The following FAT3 variants were observed in gnomAD, a reference collection of about 807,000 sequenced individuals.
FAT3 encodes FAT atypical cadherin 3.
In FAT3, 95 loss-of-function variants were observed where a neutral mutation model predicts 310.2. That is an observed-to-expected ratio of 0.31 (90% CI 0.26 to 0.36). The LOEUF is 0.36. FAT3 is among the 10% of genes least tolerant of loss of function. The pLI, the probability that FAT3 is intolerant of heterozygous loss-of-function variation, is 1.00. For synonymous variants in FAT3, 2,314 were observed against 2,192.9 expected (o/e 1.06, Z -1.54); for missense variants, 5,408 against 5,715.6 (o/e 0.95, Z 1.74).
chr11:92,631,478 A>T (rs964960824), intron 3 of FAT3, among the ~76,000 whole-genome samples: 1 of 151,992 alleles, frequency 6.6e-6, no homozygotes, highest in African/African-American at 2.4e-5. Flanking sequence ...TGCCTTTCTC[A>T]TGATAGTGAG....
intron 2 of FAT3, among the ~76,000 whole-genome samples, chr11:92,383,246 C>T (rs774243698): frequency 4.6e-5 from 7 of 152,136 alleles, no homozygotes; most frequent in East Asian, 1.9e-4. Context: ...CACTGATGGA[C>T]GTTTAGGTTG....
intron 2 of FAT3, among the ~76,000 whole-genome samples, chr11:92,442,095 A>ATTT: frequency 2.2e-5 from 1 of 46,356 alleles, no homozygotes; most frequent in Non-Finnish European, 4.1e-5. Context: ...ATATATATAT[A>ATTT]TATATATATA....
chr11:92,309,793 T>C (rs1172111111), intron 1 of FAT3, among the ~76,000 whole-genome samples: 1 of 152,154 alleles, frequency 6.6e-6, no homozygotes, highest in East Asian at 1.9e-4. Context: ...GAGTTTATTA[T>C]GCTGGTTATC....
chr11:92,464,465 T>G (rs1951711460), intron 2 of FAT3, among the ~76,000 whole-genome samples: 1 of 152,196 alleles, frequency 6.6e-6, no homozygotes, highest in South Asian at 2.1e-4. Context: ...AATTTGGGGC[T>G]TCCCCAGACC....
At chr11:92,593,688 C>A (rs549802261) in intron 3 of FAT3, among the ~76,000 whole-genome samples, 13 of 152,166 alleles carry the variant, frequency 8.5e-5, no homozygotes, top group African/African-American at 3.1e-4. Flanking sequence ...GACCTTGTTG[C>A]AAAATATAGT....
intron 3 of FAT3, among the ~76,000 whole-genome samples, chr11:92,568,604 C>T (rs1049503277): frequency 6.6e-6 from 1 of 152,124 alleles, no homozygotes; most frequent in Non-Finnish European, 1.5e-5. Context: ...GTCCTTCAAA[C>T]CCTTGAATGT....
In FAT3 at chr11:92,417,405, G is replaced by A. The variant is rs116241002; in HGVS notation, c.3292+62001G>A. On this transcript the variant is annotated intron_variant, in intron 2 of 27. Coordinates refer to ENST00000525166, the MANE Select transcript of FAT3 (RefSeq NM_001367949.2). The stretch of plus-strand genomic sequence containing the variant: ...GGGGATAACAAAATGAGAAGATATG[G>A]TCTCTGTCCTCTTGAAACATATTAT... Among the ~76,000 whole-genome samples, 586 of 152,262 alleles carry A rather than the reference G, an allele frequency of 3.8e-3. 4 individuals are homozygous for A. The highest frequency in any genetic ancestry group is 0.013 in the African/African-American group (559 of 41,538).
intron 18 of FAT3, among the ~76,000 whole-genome samples, chr11:92,841,116 G>A (rs1174888970): frequency 6.6e-6 from 1 of 152,130 alleles, no homozygotes; most frequent in Non-Finnish European, 1.5e-5. Flanking sequence ...AGGGGACTTA[G>A]CCATTTCATG....
At chr11:92,675,644 C>A (rs1212243528) in intron 3 of FAT3, among the ~76,000 whole-genome samples, 4 of 152,148 alleles carry the variant, frequency 2.6e-5, no homozygotes, top group Non-Finnish European at 5.9e-5. Flanking sequence ...TATAATCATA[C>A]TGTCTTAGGT....
At chr11:92,639,621 A>G (rs1941886402) in intron 3 of FAT3, among the ~76,000 whole-genome samples, 1 of 152,212 alleles carries the variant, frequency 6.6e-6, no homozygotes, top group East Asian at 1.9e-4. Context: ...GAGCATAGAA[A>G]TGATTCTGCA....
intron 25 of FAT3, among the ~76,000 whole-genome samples, chr11:92,887,732 A>G (rs1177393784): frequency 1.3e-5 from 2 of 152,210 alleles, no homozygotes; most frequent in Non-Finnish European, 2.9e-5. Flanking sequence ...TTGTGAACTT[A>G]TGCTTATGGA....
chr11:92,750,230 T>C (rs1945792619), intron 4 of FAT3, among the ~76,000 whole-genome samples: 1 of 152,174 alleles, frequency 6.6e-6, no homozygotes, highest in Non-Finnish European at 1.5e-5. Flanking sequence ...TAAAACTCTT[T>C]TGAGCTCTGT....
chr11:92,535,739 A>G (rs919565621), intron 3 of FAT3, among the ~76,000 whole-genome samples: 7 of 151,262 alleles, frequency 4.6e-5, no homozygotes, highest in African/African-American at 1.7e-4. Context: ...TAAGTCTCTC[A>G]TTGTTTCTAA....
intron 1 of FAT3, among the ~76,000 whole-genome samples, chr11:92,326,944 T>C (rs1174692391): frequency 1.3e-5 from 2 of 152,220 alleles, no homozygotes; most frequent in African/African-American, 4.8e-5. Context: ...GCAAAGTAAC[T>C]GCTTTTTTAT....
intron 1 of FAT3, among the ~76,000 whole-genome samples, chr11:92,244,473 T>C (rs1289511628): frequency 6.6e-6 from 1 of 152,132 alleles, no homozygotes; most frequent in Non-Finnish European, 1.5e-5. Flanking sequence ...TTTTGCTGAA[T>C]GACTAAAAGA....
At chr11:92,772,700 AATTAT>A (rs1946489955) in intron 6 of FAT3, among the ~76,000 whole-genome samples, 1 of 152,160 alleles carries the variant, frequency 6.6e-6, no homozygotes, top group African/African-American at 2.4e-5. Flanking sequence ...TGTCAAGGGC[AATTAT>A]ATTCTCTCTT....
chr11:92,636,755 A>C (rs1490228682), intron 3 of FAT3, among the ~76,000 whole-genome samples: 2 of 152,220 alleles, frequency 1.3e-5, no homozygotes, highest in Non-Finnish European at 2.9e-5. Context: ...AGTAGTGTAG[A>C]CTATATTGCT....
At chr11:92,387,500 G>A (rs1949652287) in intron 2 of FAT3, among the ~76,000 whole-genome samples, 3 of 152,096 alleles carry the variant, frequency 2.0e-5, no homozygotes, top group South Asian at 2.1e-4. Flanking sequence ...AAGGGTAGGG[G>A]AGAAGGGATG....
intron 27 of FAT3, among the ~76,000 whole-genome samples, chr11:92,890,246 G>A (rs547523440): frequency 1.3e-5 from 2 of 152,260 alleles, no homozygotes; most frequent in South Asian, 4.1e-4. Flanking sequence ...GCGTGCCCTC[G>A]CTCTTCGTCT....
Sources: allele counts gnomAD v4.1 joint callset (sites outside exome capture counted in the v4.1 genomes callset), GRCh38; gene constraint gnomAD v4.1.1; transcripts MANE v1.5; gene names NCBI Gene and HGNC (gene_info 2026-07-23, HGNC 2026-07-21).